BRSK2: variants seen among roughly 807,000 people sequenced by gnomAD.
The protein encoded by BRSK2 is serine/threonine-protein kinase BRSK2.
A neutral mutation model predicts 83.3 loss-of-function variants in BRSK2; 19 were observed. The ratio of observed to expected loss-of-function variants is 0.23; its 90% CI spans 0.16 to 0.33. The LOEUF is 0.33. Ranked by LOEUF, BRSK2 falls within the 10% of genes least tolerant of loss-of-function variation. The probability of loss-of-function intolerance (pLI) is 1.00; values close to 1 mark genes in which losing one functional copy is unlikely to be tolerated. For missense variants in BRSK2, 798 were observed against 1,042.3 expected, an observed-to-expected ratio of 0.77 and a Z score of 3.23; for synonymous variants, 519 against 435.4, an observed-to-expected ratio of 1.19 and a Z score of -2.39.
At position 1,459,174 on chromosome 11, in the gene BRSK2, C is replaced by T; in HGVS notation, c.1940-18C>T. The T allele has an allele frequency of 3.7e-6, 6 of 1,613,462 alleles. No homozygotes were observed. The highest frequency in any genetic ancestry group is 5.1e-6 in the Non-Finnish European group (6 of 1,179,518). On this transcript the variant is annotated intron_variant, in intron 18 of 19. Transcript: ENST00000528841. ...CTTTCACTCACTCCCTCCCTCCTCTCTCCATTCTGTACTCCAGACACCACT... is the reference window on the plus strand; with the variant it reads ...CTTTCACTCACTCCCTCCCTCCTCTTTCCATTCTGTACTCCAGACACCACT...
chr11:1,401,953 A>G (rs976670518), intron 1 of BRSK2, among the ~76,000 whole-genome samples: 1 of 152,228 alleles, frequency 6.6e-6, no homozygotes, highest in Admixed American at 6.5e-5. Context: ...TTCCGTGCTG[A>G]GGAGGGGCAG....
chr11:1,394,871 T>G, intron 1 of BRSK2, among the ~76,000 whole-genome samples: 1 of 101,138 alleles, frequency 9.9e-6, no homozygotes, highest in Non-Finnish European at 2.1e-5. Context: ...AGATGGGCCA[T>G]GGAGATGGGT....
At chr11:1,401,732 G>GGAAAGGACCTTAT (rs992404013) in intron 1 of BRSK2, among the ~76,000 whole-genome samples, 3 of 152,234 alleles carry the variant, frequency 2.0e-5, no homozygotes, top group Non-Finnish European at 4.4e-5. Context: ...TTGAGGAGGA[G>GGAAAGGACCTTAT]GAAAGGACCT....
chr11:1,422,673 A>G (rs1848750485), intron 1 of BRSK2, among the ~76,000 whole-genome samples: 1 of 152,132 alleles, frequency 6.6e-6, no homozygotes, highest in South Asian at 2.1e-4. Context: ...AGTCCTGTCC[A>G]TGGTGCTGGA....
Position 1,435,942 on chromosome 11 carries a change from C to T in BRSK2, c.92-98C>T, listed in dbSNP as rs1850246226. 4 of 890,176 alleles carry T rather than the reference C, an allele frequency of 4.5e-6. No homozygotes were observed. The South Asian group carries it at 6.7e-5, about 15-fold the overall frequency. 55.1% of individuals were successfully genotyped at this position (890,176 alleles called of 1,614,324 possible). ...CTGGAGCGGGTGGGACCCCTGCTGT[C>T]CAGGACGTGGGAGGAGGCCCCCAAC... On this transcript the variant is annotated intron_variant, in intron 1 of 19. Transcript: ENST00000528841.
At chr11:1,426,395 G>T (rs1030922301) in intron 1 of BRSK2, among the ~76,000 whole-genome samples, 1 of 152,176 alleles carries the variant, frequency 6.6e-6, no homozygotes, top group African/African-American at 2.4e-5. Context: ...CCCTCCAGGG[G>T]AAAGAAGAGG....
At position 1,460,668 on chromosome 11, in the gene BRSK2, C is replaced by G. The variant is rs556602754; in HGVS notation, c.2156C>G (p.Thr719Arg). The change falls in exon 20 of 20, where the codon ACG (threonine) becomes AGG (arginine). Residue 719 changes from threonine to arginine, a missense_variant. Transcript: ENST00000528841. ...CCCGGAGGGGACGCCGAGTACCCAA[C>G]GGGCAAGGACACGGCCAAGATGGGC... ...PGPGGDAEYP[T>R]GKDTAKMGPP... 2.2e-5 allele frequency: 34 copies of G among 1,524,504 alleles called. No individual in the cohort carries two copies. Among genetic ancestry groups the G allele is most frequent in the East Asian group, 5.0e-5 (2 of 40,392 alleles). The allele number at this position is 1,524,504 out of a possible 1,614,324, so 94.4% of individuals were successfully genotyped here.
chr11:1,442,738 C>T (rs1402986185), intron 5 of BRSK2, 132 bp downstream of exon 5: 2 of 735,862 alleles, frequency 2.7e-6, no homozygotes, highest in Non-Finnish European at 4.6e-6. Flanking sequence ...CACAATGTGC[C>T]TGAGCCTCCC....
At chr11:1,457,134 C>A in intron 18 of BRSK2, 1 of 1,223,230 alleles carries the variant, frequency 8.2e-7, no homozygotes, top group African/African-American at 1.5e-5. Flanking sequence ...CAGGGCCCTC[C>A]ATGCCCACCC....
intron 18 of BRSK2, among the ~76,000 whole-genome samples, chr11:1,457,244 C>G (rs1038766981): frequency 6.6e-6 from 1 of 152,170 alleles, no homozygotes; most frequent in Non-Finnish European, 1.5e-5. Context: ...GCCCTGCCCT[C>G]GGGACTCCCC....
chr11:1,414,623 A>G (rs4963080), intron 1 of BRSK2, among the ~76,000 whole-genome samples: 107,459 of 152,182 alleles, frequency 0.71, 38,506 homozygotes, highest in Non-Finnish European at 0.76. Flanking sequence ...AATGAAATTC[A>G]CATAATATAA....
At chr11:1,435,957 A>C (rs1356636491) in intron 1 of BRSK2, 83 bp from the exon 2 acceptor site, 1 of 1,013,430 alleles carries the variant, frequency 9.9e-7, no homozygotes, top group East Asian at 2.7e-5. Flanking sequence ...ACGTGGGAGG[A>C]GGCCCCCAAC....
intron 1 of BRSK2, among the ~76,000 whole-genome samples, chr11:1,395,692 C>T (rs148839833): frequency 9.4e-4 from 143 of 152,328 alleles, no homozygotes; most frequent in East Asian, 8.1e-3. Flanking sequence ...GGAAAAGACA[C>T]GCTGGGCAGA....
At chr11:1,433,915 AG>A (rs1849923456) in intron 1 of BRSK2, among the ~76,000 whole-genome samples, 1 of 152,240 alleles carries the variant, frequency 6.6e-6, no homozygotes, top group Admixed American at 6.5e-5. Flanking sequence ...TTCTTCGGCA[AG>A]GTCCTGGGTC....
intron 15 of BRSK2, chr11:1,453,772 CCT>C (rs1215594591): frequency 1.3e-5 from 2 of 152,278 alleles, no homozygotes; most frequent in Non-Finnish European, 2.9e-5. Context: ...CCTGCCTCTG[CCT>C]CTCAGCACAC....
chr11:1,439,140 G>A (rs1330198030), intron 3 of BRSK2, among the ~76,000 whole-genome samples: 1 of 152,194 alleles, frequency 6.6e-6, no homozygotes, highest in Non-Finnish European at 1.5e-5. Flanking sequence ...CATCTCTGAG[G>A]CATCAGGCTC....
At chr11:1,413,717 G>A (rs1027138464) in intron 1 of BRSK2, among the ~76,000 whole-genome samples, 4 of 152,284 alleles carry the variant, frequency 2.6e-5, no homozygotes, top group African/African-American at 7.2e-5. Context: ...CAGAACGGGG[G>A]AACCAAAAGG....
At chr11:1,415,969 T>G (rs1182249934) in intron 1 of BRSK2, among the ~76,000 whole-genome samples, 1 of 152,186 alleles carries the variant, frequency 6.6e-6, no homozygotes, top group African/African-American at 2.4e-5. Flanking sequence ...CTGGGAAAAG[T>G]TGAGAGTTTC....
Position 1,454,161 on chromosome 11 carries a change from G to GGGGCTCACCTGTGGA in BRSK2, c.1545-310_1545-309insAGGGCTCACCTGTGG, listed in dbSNP as rs1470308264. On this transcript the variant is annotated intron_variant, in intron 15 of 19. Transcript: ENST00000528841. The surrounding 1 kb of genome is among the most constrained non-coding windows in gnomAD (Gnocchi z 5.2). Reference sequence around the variant, plus strand: ...CCTCTCACAGCGGCCTTGGTGAGGGGGGGCTCACCTGTGGGGGGCTCACCT... The same window carrying GGGGCTCACCTGTGGA: ...CCTCTCACAGCGGCCTTGGTGAGGGGGGGCTCACCTGTGGAGGGCTCACCTGTGGGGGGCTCACCT... The GGGGCTCACCTGTGGA allele has an allele frequency of 2.1e-4, 44 of 214,042 alleles. 1 individual carries two copies. The East Asian group carries it at 3.2e-3, about 16-fold the overall frequency. 13.3% of individuals were successfully genotyped at this position (214,042 alleles called of 1,614,324 possible).
Sources: allele counts gnomAD v4.1 joint callset (sites outside exome capture counted in the v4.1 genomes callset), GRCh38; gene constraint gnomAD v4.1.1; non-coding constraint Gnocchi (gnomAD v3.1); transcripts MANE v1.5; gene names NCBI Gene and HGNC (gene_info 2026-07-23, HGNC 2026-07-21).